SHANK2: variants seen among roughly 807,000 people sequenced by gnomAD.
The protein encoded by SHANK2 is SH3 and multiple ankyrin repeat domains 2.
In SHANK2, 43 loss-of-function variants were observed where a neutral mutation model predicts 133.7. That is an observed-to-expected ratio of 0.32 (90% CI 0.25 to 0.41). The LOEUF (loss-of-function observed/expected upper bound fraction) is 0.41, where lower values mean the gene tolerates loss of function less well. SHANK2 is among the 10% of genes least tolerant of loss of function. The probability of loss-of-function intolerance (pLI) is 1.00; values close to 1 mark genes in which losing one functional copy is unlikely to be tolerated. For synonymous variants in SHANK2, 1,017 were observed against 952.8 expected (o/e 1.07, Z -1.24); for missense variants, 1,994 against 2,235.8 (o/e 0.89, Z 2.18).
At chr11:70,805,578 C>A (rs1948140148) in intron 13 of SHANK2, among the ~76,000 whole-genome samples, 1 of 152,192 alleles carries the variant, frequency 6.6e-6, no homozygotes, top group Admixed American at 6.5e-5. Flanking sequence ...CAGCACTAGT[C>A]CTCAGAGAGA....
At chr11:71,113,411 C>A in intron 4 of SHANK2, 47 bp from the exon 5 acceptor site, 1 of 1,506,118 alleles carries the variant, frequency 6.6e-7, no homozygotes, top group Non-Finnish European at 9.0e-7. Context: ...CAATACTTCT[C>A]AGAGTTGTTC....
Position 71,224,756 on chromosome 11 carries a change from T to C in SHANK2, c.-72A>G, listed in dbSNP as rs1954613323. ...CTCTTAGAGCAGGAACTGTCTGTAT[T>C]CTAGAGGGCCAAAGCAGGGTGCCTG... On this transcript the variant is annotated 5_prime_UTR_variant, in exon 2 of 26. Coordinates refer to ENST00000601538, the MANE Select transcript of SHANK2 (RefSeq NM_012309.5). 1 of 152,216 alleles carries C rather than the reference T, an allele frequency of 6.6e-6. No individual in the cohort carries two copies. The highest frequency in any genetic ancestry group is 2.1e-4 in the South Asian group (1 of 4,828). 9.4% of individuals were successfully genotyped at this position (152,216 alleles called of 1,614,324 possible). A position where few individuals can be genotyped will look rare whatever the true frequency, so the allele number is the denominator to read the frequency against.
intron 11 of SHANK2, among the ~76,000 whole-genome samples, chr11:70,861,018 C>T (rs190932041): frequency 3.3e-4 from 50 of 152,326 alleles, no homozygotes; most frequent in Admixed American, 7.8e-4. Context: ...GCTGGGCACA[C>T]GGGGAGCAGC....
At chr11:70,625,598 C>T (rs2060893549) in intron 17 of SHANK2, among the ~76,000 whole-genome samples, 1 of 151,890 alleles carries the variant, frequency 6.6e-6, no homozygotes, top group South Asian at 2.1e-4. Context: ...CCCAGACCTC[C>T]CTCCCTCCAT....
At chr11:71,155,262 T>C (rs1248288556) in intron 2 of SHANK2, among the ~76,000 whole-genome samples, 1 of 102,556 alleles carries the variant, frequency 9.8e-6, no homozygotes, top group Non-Finnish European at 1.9e-5. Context: ...GGAGTGGACC[T>C]ACCCCAGCCC....
intron 14 of SHANK2, among the ~76,000 whole-genome samples, chr11:70,780,608 C>G (rs1947461782): frequency 7.0e-6 from 1 of 141,924 alleles, no homozygotes; most frequent in South Asian, 2.2e-4. Flanking sequence ...GAGTCTTGCT[C>G]TGTCACCCAG....
At chr11:70,480,399 C>A in intron 25 of SHANK2, among the ~76,000 whole-genome samples, 1 of 152,206 alleles carries the variant, frequency 6.6e-6, no homozygotes, top group East Asian at 1.9e-4. Flanking sequence ...CAGGGTTAAC[C>A]TGCTGGTGTC....
intron 3 of SHANK2, among the ~76,000 whole-genome samples, chr11:71,145,382 T>C (rs72957699): frequency 0.22 from 33,410 of 152,172 alleles, 3,894 homozygotes; most frequent in South Asian, 0.3. Context: ...CATTCAAAGC[T>C]GTCCTGGGCT....
intron 17 of SHANK2, among the ~76,000 whole-genome samples, chr11:70,608,067 T>G (rs1229145044): frequency 6.6e-6 from 1 of 152,230 alleles, no homozygotes; most frequent in African/African-American, 2.4e-5. Flanking sequence ...GTCCGATTCC[T>G]GCTGCCTTTG....
chr11:70,803,157 G>A (rs1277097749), intron 13 of SHANK2, among the ~76,000 whole-genome samples: 4 of 151,774 alleles, frequency 2.6e-5, no homozygotes, highest in Admixed American at 6.6e-5. Flanking sequence ...TGGTGAGAGC[G>A]TGGGACAAAA....
At chr11:71,177,044 G>A (rs138312910) in intron 2 of SHANK2, among the ~76,000 whole-genome samples, 6 of 152,328 alleles carry the variant, frequency 3.9e-5, no homozygotes, top group African/African-American at 1.2e-4. Flanking sequence ...TGATTCAAGT[G>A]AGCAGACAGT....
At chr11:70,821,333 A>G (rs998891758) in intron 11 of SHANK2, among the ~76,000 whole-genome samples, 1 of 152,168 alleles carries the variant, frequency 6.6e-6, no homozygotes, top group Admixed American at 6.5e-5. Flanking sequence ...CAAGCCATCA[A>G]GAGAGGCCTC....
chr11:71,202,962 C>T (rs1555117362), intron 2 of SHANK2, among the ~76,000 whole-genome samples: 2 of 152,352 alleles, frequency 1.3e-5, no homozygotes, highest in Middle Eastern at 3.4e-3. Context: ...GACCCTTTTT[C>T]TCTGTTTTCC....
At chr11:70,627,377 C>T (rs1442879762) in intron 17 of SHANK2, among the ~76,000 whole-genome samples, 4 of 152,130 alleles carry the variant, frequency 2.6e-5, no homozygotes, top group Non-Finnish European at 5.9e-5. Flanking sequence ...TCACCCAACC[C>T]GGTTCCTAAG....
chr11:70,573,557 G>GGGGGT (rs1554983581), intron 17 of SHANK2, among the ~76,000 whole-genome samples: 25 of 131,952 alleles, frequency 1.9e-4, no homozygotes, highest in Admixed American at 3.1e-4. Flanking sequence ...GGCGGGGGGG[G>GGGGGT]GGTGGGGCAT....
intron 9 of SHANK2, among the ~76,000 whole-genome samples, chr11:71,057,977 G>A (rs1404349257): frequency 3.5e-5 from 5 of 144,102 alleles, no homozygotes; most frequent in South Asian, 2.2e-4. Context: ...GCAGCGGTGC[G>A]ATCACAGCTC....
At chr11:71,194,071 T>C (rs1371837194) in intron 2 of SHANK2, among the ~76,000 whole-genome samples, 3 of 152,102 alleles carry the variant, frequency 2.0e-5, no homozygotes, top group African/African-American at 7.2e-5. Context: ...ATCGTTCCCA[T>C]TTTCCATGGA....
At chr11:70,736,338 C>G (rs959416441) in intron 14 of SHANK2, among the ~76,000 whole-genome samples, 1 of 152,146 alleles carries the variant, frequency 6.6e-6, no homozygotes, top group Non-Finnish European at 1.5e-5. Context: ...CCCTAGCCCC[C>G]GAAACCCACG....
chr11:70,890,084 G>A lies in SHANK2; in HGVS notation c.1174+6417C>T, dbSNP rs114535737. Among the ~76,000 whole-genome samples the A allele has an allele frequency of 6.3e-3, 962 of 152,254 alleles. 8 individuals carry two copies. The highest frequency in any genetic ancestry group is 0.022 in the African/African-American group (902 of 41,528). On this transcript the variant is annotated intron_variant, in intron 11 of 25. Transcript: ENST00000601538. ...CCTTCAAACATCACTTTTAGATCTGGGGGGTAGAAGGGGACAGAGGGACAT... is the reference window on the plus strand; with the variant it reads ...CCTTCAAACATCACTTTTAGATCTGAGGGGTAGAAGGGGACAGAGGGACAT...
Sources: allele counts gnomAD v4.1 joint callset (sites outside exome capture counted in the v4.1 genomes callset), GRCh38; gene constraint gnomAD v4.1.1; transcripts MANE v1.5; gene names NCBI Gene and HGNC (gene_info 2026-07-23, HGNC 2026-07-21).